Variants in PIGU observed in about 807,000 individuals in gnomAD.
PIGU encodes the protein phosphatidylinositol glycan anchor biosynthesis class U, also known as GPI-anchor transamidase component PIGU.
In PIGU, 24 loss-of-function variants were observed where a neutral mutation model predicts 49.9. That is an observed-to-expected ratio of 0.48 (90% CI 0.35 to 0.68). The LOEUF is 0.68. Ranked by LOEUF, PIGU falls within the 30% of genes least tolerant of loss-of-function variation. The probability of loss-of-function intolerance (pLI) is 0.01; values close to 1 mark genes in which losing one functional copy is unlikely to be tolerated. For synonymous variants in PIGU, 220 were observed against 205.7 expected, an observed-to-expected ratio of 1.07 and a Z score of -0.59; for missense variants, 490 against 532.6, an observed-to-expected ratio of 0.92 and a Z score of 0.79.
intron 7 of PIGU, among the ~76,000 whole-genome samples, chr20:34,612,916 C>A (rs903980094): frequency 2.0e-5 from 3 of 152,128 alleles, no homozygotes; most frequent in African/African-American, 7.2e-5. Context: ...AGCTACCACG[C>A]CTGGCTCAGG....
intron 11 of PIGU, among the ~76,000 whole-genome samples, chr20:34,570,402 G>C (rs1327856548): frequency 7.1e-6 from 1 of 140,538 alleles, no homozygotes; most frequent in Non-Finnish European, 1.5e-5. Context: ...CCTGAAACAT[G>C]AGCCACTGTT....
intron 6 of PIGU, among the ~76,000 whole-genome samples, chr20:34,623,359 G>A (rs948103936): frequency 3.3e-5 from 5 of 151,586 alleles, no homozygotes; most frequent in Non-Finnish European, 1.5e-5. Flanking sequence ...CTCTCTCAGA[G>A]CAATCCGTAC....
intron 7 of PIGU, among the ~76,000 whole-genome samples, chr20:34,600,882 A>G (rs2146726260): frequency 6.6e-6 from 1 of 152,206 alleles, no homozygotes; most frequent in Non-Finnish European, 1.5e-5. Flanking sequence ...TAAAAATACA[A>G]AATTAGCCAG....
At chr20:34,668,330 C>T (rs1987168587) in intron 1 of PIGU, among the ~76,000 whole-genome samples, 1 of 151,784 alleles carries the variant, frequency 6.6e-6, no homozygotes, top group South Asian at 2.1e-4. Context: ...GGCATGGTGG[C>T]AGGGACCTAT....
chr20:34,569,007 C>T (rs1568619303), intron 11 of PIGU, among the ~76,000 whole-genome samples: 2 of 151,862 alleles, frequency 1.3e-5, no homozygotes, highest in Non-Finnish European at 1.5e-5. Flanking sequence ...CTCAGGAGTT[C>T]GAGCTCGTAA....
chr20:34,561,127 C>G, intron 11 of PIGU, 148 bp from the exon 12 acceptor site: 1 of 614,018 alleles, frequency 1.6e-6, no homozygotes, highest in South Asian at 2.0e-5. Context: ...CTCAGGGCCC[C>G]CACCTCAGGG....
chr20:34,602,296 TA>T (rs1984454365), intron 7 of PIGU, among the ~76,000 whole-genome samples: 1 of 139,218 alleles, frequency 7.2e-6, no homozygotes, highest in Admixed American at 7.1e-5. Flanking sequence ...TGAAATGAAA[TA>T]AAATAAAATA....
chr20:34,657,725 T>C (rs1986748207), intron 1 of PIGU, among the ~76,000 whole-genome samples: 1 of 152,140 alleles, frequency 6.6e-6, no homozygotes, highest in South Asian at 2.1e-4. Flanking sequence ...TGATACTTCT[T>C]AGGGCAGTTT....
intron 6 of PIGU, among the ~76,000 whole-genome samples, chr20:34,632,778 T>C (rs1203079598): frequency 3.2e-4 from 48 of 152,120 alleles, no homozygotes; most frequent in Admixed American, 3.1e-3. Flanking sequence ...AGGAGATTTA[T>C]GAAGTTAAGT....
intron 5 of PIGU, among the ~76,000 whole-genome samples, chr20:34,637,068 C>T (rs1224827584): frequency 1.3e-5 from 2 of 152,054 alleles, no homozygotes; most frequent in Non-Finnish European, 2.9e-5. Flanking sequence ...GAAAAAAAAG[C>T]CATTTCTAAA....
chr20:34,636,950 T>C (rs1415367115), intron 5 of PIGU, among the ~76,000 whole-genome samples: 1 of 152,134 alleles, frequency 6.6e-6, no homozygotes, highest in Admixed American at 6.5e-5. Context: ...CATAAGTCCA[T>C]AAGAGATTCA....
intron 1 of PIGU, among the ~76,000 whole-genome samples, chr20:34,674,312 G>A (rs182501032): frequency 6.6e-6 from 1 of 151,890 alleles, no homozygotes; most frequent in East Asian, 1.9e-4. Context: ...CCGAGATCGC[G>A]CCATTGCACT....
chr20:34,579,510 CAA>C (rs1258831938), intron 10 of PIGU: 3 of 152,238 alleles, frequency 2.0e-5, no homozygotes, highest in African/African-American at 2.4e-5. Context: ...AAACACGTCT[CAA>C]CACATACATC....
At chr20:34,601,325 T>C (rs1259131678) in intron 7 of PIGU, among the ~76,000 whole-genome samples, 2 of 152,182 alleles carry the variant, frequency 1.3e-5, no homozygotes, top group Non-Finnish European at 2.9e-5. Context: ...CCTAAAACGA[T>C]AAAGTAATTT....
intron 10 of PIGU, chr20:34,579,497 C>T (rs1045218173): frequency 1.3e-5 from 2 of 152,200 alleles, no homozygotes; most frequent in Non-Finnish European, 2.9e-5. Context: ...TCAACGTAGG[C>T]TTAAACACGT....
Position 34,560,982 on chromosome 20 carries a change from G to C in PIGU, c.1195-3C>G. ...AAGTAATCAGAGATGAGCAGGATCT[G>C]GGGGGAGAGAGAGGGTGTGAGGCGC... is the stretch of plus-strand genomic sequence containing the variant. On this transcript the variant is annotated splice_region_variant and splice_polypyrimidine_tract_variant and intron_variant, in intron 11 of 11. Transcript: ENST00000217446. The C allele has an allele frequency of 1.3e-6, 2 of 1,591,282 alleles. No individual in the cohort carries two copies. The highest frequency in any genetic ancestry group is 1.7e-6 in the Non-Finnish European group (2 of 1,160,514).
intron 1 of PIGU, among the ~76,000 whole-genome samples, chr20:34,671,680 G>T (rs920986590): frequency 6.6e-6 from 1 of 151,968 alleles, no homozygotes; most frequent in Non-Finnish European, 1.5e-5. Flanking sequence ...ACCACTTTGG[G>T]AGGCCAAGGC....
chr20:34,565,231 C>T (rs916309414), intron 11 of PIGU, among the ~76,000 whole-genome samples: 1 of 151,386 alleles, frequency 6.6e-6, no homozygotes. Flanking sequence ...CAGTAATAGG[C>T]TCTAGCTTGT....
chr20:34,658,668 G>A (rs946417333), intron 1 of PIGU, among the ~76,000 whole-genome samples: 10 of 149,542 alleles, frequency 6.7e-5, no homozygotes, highest in Non-Finnish European at 1.0e-4. Context: ...GGTGAGGAGC[G>A]TCTCTGCCCA....
Sources: gnomAD v4.1 joint callset for allele counts (sites outside exome capture counted in the v4.1 genomes callset) on GRCh38, gnomAD v4.1.1 for gene constraint, MANE v1.5 for transcripts, NCBI Gene and HGNC (gene_info 2026-07-23, HGNC 2026-07-21) for gene names.